Variants in SLC48A1 observed in about 807,000 individuals in gnomAD.
The protein encoded by SLC48A1 is heme transporter HRG1.
In SLC48A1, 6 loss-of-function variants were observed where a neutral mutation model predicts 14.8. The ratio of observed to expected loss-of-function variants is 0.41; its 90% CI spans 0.22 to 0.80. The LOEUF (loss-of-function observed/expected upper bound fraction) is 0.80. SLC48A1 is among the 30% of genes least tolerant of loss of function. SLC48A1 has a pLI of 0.34. For synonymous variants in SLC48A1, 89 were observed against 90.0 expected (o/e 0.99, Z 0.06); for missense variants, 165 against 204.8 (o/e 0.81, Z 1.19).
intron 2 of SLC48A1, among the ~76,000 whole-genome samples, chr12:47,764,116 C>A (rs1942456653): frequency 6.6e-6 from 1 of 152,132 alleles, no homozygotes; most frequent in African/African-American, 2.4e-5. Flanking sequence ...TGCTTTCTCC[C>A]CCAACTTCTG....
chr12:47,779,442 G>T (rs1942818870), intron 2 of SLC48A1, among the ~76,000 whole-genome samples: 1 of 152,142 alleles, frequency 6.6e-6, no homozygotes, highest in Non-Finnish European at 1.5e-5. Context: ...CCTGATATTG[G>T]GACCCATTAG....
At chr12:47,768,341 C>T (rs150378595), upstream of SLC48A1, among the ~76,000 whole-genome samples, 33 of 152,194 alleles carry the variant, frequency 2.2e-4, no homozygotes, top group African/African-American at 7.0e-4. Flanking sequence ...GGGGGAAAGA[C>T]GAACAGAGGA....
At chr12:47,771,449 C>A, upstream of SLC48A1, 2 of 156,294 alleles carry the variant, frequency 1.3e-5, no homozygotes, top group Non-Finnish European at 2.8e-5. Flanking sequence ...CCAAAGATGT[C>A]CACGTCCTCA....
At chr12:47,766,302 C>G (rs1208854915) in intron 2 of SLC48A1, among the ~76,000 whole-genome samples, 1 of 151,974 alleles carries the variant, frequency 6.6e-6, no homozygotes, top group Non-Finnish European at 1.5e-5. Context: ...AGAGCTAATG[C>G]CCTCCCCTCC....
Position 47,781,305 on chromosome 12 carries a change from C to A in SLC48A1, c.*1024C>A, listed in dbSNP as rs967723282. 1.7e-5 allele frequency: 3 copies of A among 173,874 alleles called. No individual in the cohort carries two copies. Among genetic ancestry groups the A allele is most frequent in the Non-Finnish European group, 3.8e-5 (3 of 79,984 alleles). 10.8% of individuals were successfully genotyped at this position (173,874 alleles called of 1,614,324 possible). ...GTAGAGGCTGGAAAGAGCCCCCAAA[C>A]CTGTACCCATGCCCCTCCAGCCCTG... On this transcript the variant is annotated 3_prime_UTR_variant, in exon 3 of 3. Transcript: ENST00000442218.
chr12:47,773,412 G>C lies in SLC48A1; in HGVS notation c.108G>C (p.Pro36=), dbSNP rs1448762346. 1 of 1,444,170 alleles carries C rather than the reference G, an allele frequency of 6.9e-7. No individual in the cohort carries two copies. The highest frequency in any genetic ancestry group is 9.2e-7 in the Non-Finnish European group (1 of 1,092,380). 89.5% of individuals were successfully genotyped at this position (1,444,170 alleles called of 1,614,324 possible). The change falls in exon 1 of 3, where the codon CCG becomes CCC. Residue 36 remains proline, a synonymous_variant. Coordinates refer to ENST00000442218, the MANE Select transcript of SLC48A1 (RefSeq NM_017842.3). ...TCTGGACGGTGGTCTACCGACAGCCGGGGACCGCGGCCATGGGAGGGCTCG... is the reference window on the plus strand; with the variant it reads ...TCTGGACGGTGGTCTACCGACAGCCCGGGACCGCGGCCATGGGAGGGCTCG... The part of the protein sequence containing the change: ...FLVWTVVYRQ[P]GTAAMGGLAG...
chr12:47,766,950 A>G (rs541794327), upstream of SLC48A1, among the ~76,000 whole-genome samples: 4 of 151,962 alleles, frequency 2.6e-5, no homozygotes, highest in East Asian at 5.8e-4. Context: ...CCTCCCTGCA[A>G]CCTCCTAGAA....
At chr12:47,775,507 A>G (rs1942731024) in intron 1 of SLC48A1, among the ~76,000 whole-genome samples, 1 of 152,218 alleles carries the variant, frequency 6.6e-6, no homozygotes, top group South Asian at 2.1e-4. Flanking sequence ...GGATGGTGGC[A>G]GGGAGAGGGG....
chr12:47,759,497 T>TCTCCAG (rs1226418354), intron 1 of SLC48A1, among the ~76,000 whole-genome samples: 1 of 59,224 alleles, frequency 1.7e-5, no homozygotes, highest in African/African-American at 7.0e-5. Flanking sequence ...GTAGGGGCCC[T>TCTCCAG]AAGAGGAGAT....
intron 1 of SLC48A1, 71 bp downstream of exon 1, chr12:47,773,511 ACGC>A: frequency 1.6e-6 from 2 of 1,247,048 alleles, no homozygotes; most frequent in Non-Finnish European, 2.0e-6. Context: ...CTGCTCCAGG[ACGC>A]TCCCCGCGAG....
chr12:47,761,250 G>GGGGGAGCCTC (rs1181936283), intron 2 of SLC48A1, among the ~76,000 whole-genome samples: 9 of 151,324 alleles, frequency 5.9e-5, no homozygotes, highest in African/African-American at 2.2e-4. Context: ...GTTGAGGTGT[G>GGGGGAGCCTC]GGGGAGCCTC....
chr12:47,779,220 G>A, intron 2 of SLC48A1, 25 bp downstream of exon 2: 1 of 1,541,014 alleles, frequency 6.5e-7, no homozygotes, highest in Non-Finnish European at 8.8e-7. Flanking sequence ...CAGGGAAAGA[G>A]GGCATGGGAG....
At chr12:47,768,807 T>C (rs1431759057), upstream of SLC48A1, 4 of 152,152 alleles carry the variant, frequency 2.6e-5, no homozygotes, top group Admixed American at 2.6e-4. Flanking sequence ...TTCAGAAGGA[T>C]TGATGGTTTA....
chr12:47,758,300 C>T, upstream of SLC48A1: 3 of 1,432,748 alleles, frequency 2.1e-6, no homozygotes, highest in Non-Finnish European at 1.8e-6. Context: ...TGGAAAAGAT[C>T]AGGCCCTTCT....
intron 1 of SLC48A1, among the ~76,000 whole-genome samples, chr12:47,760,028 C>T (rs147673256): frequency 6.6e-6 from 1 of 152,316 alleles, no homozygotes; most frequent in East Asian, 1.9e-4. Flanking sequence ...CCCCATCCTC[C>T]ACCAATTATT....
intron 1 of SLC48A1, among the ~76,000 whole-genome samples, chr12:47,775,180 T>G (rs564690365): frequency 6.6e-6 from 1 of 152,186 alleles, no homozygotes. Context: ...AATCTTGCAG[T>G]GCTGCCCACT....
At chr12:47,764,121 C>T (rs1942456939) in intron 2 of SLC48A1, among the ~76,000 whole-genome samples, 1 of 152,132 alleles carries the variant, frequency 6.6e-6, no homozygotes, top group African/African-American at 2.4e-5. Context: ...TCTCCCCCAA[C>T]TTCTGCTTCT....
chr12:47,762,681 C>T lies in SLC48A1; in HGVS notation c.-187+2280C>T, dbSNP rs141331239. On this transcript the variant is annotated intron_variant, in intron 2 of 4. Coordinates refer to the SLC48A1 transcript ENST00000547002. ...GTGAGGAAACTGAGTCACAGGGAGA[C>T]GAAGTAACTTTCCCAAGGTCACACA... Among the ~76,000 whole-genome samples, 21 of 152,284 alleles carry T rather than the reference C, an allele frequency of 1.4e-4. 1 individual carries two copies. The highest frequency in any genetic ancestry group is 1.4e-4 in the African/African-American group (6 of 41,548).
intron 2 of SLC48A1, among the ~76,000 whole-genome samples, chr12:47,761,579 T>G (rs1428949057): frequency 6.6e-6 from 1 of 152,168 alleles, no homozygotes; most frequent in Non-Finnish European, 1.5e-5. Context: ...GACCCGACAG[T>G]AGAATTACTG....
Sources: gnomAD v4.1 joint callset for allele counts (sites outside exome capture counted in the v4.1 genomes callset) on GRCh38, gnomAD v4.1.1 for gene constraint, MANE v1.5 for transcripts, NCBI Gene and HGNC (gene_info 2026-07-23, HGNC 2026-07-21) for gene names.